The following FAM199X variants were observed in gnomAD, a reference collection of about 807,000 sequenced individuals.
FAM199X encodes family with sequence similarity 199, X-linked, also known as protein FAM199X.
FAM199X carries 4 observed loss-of-function variants against 22.9 expected under a neutral mutation model. The observed-to-expected ratio is 0.17, with a 90% CI of 0.09 to 0.40. The LOEUF (loss-of-function observed/expected upper bound fraction) is 0.40, where lower values mean the gene tolerates loss of function less well. Among genes scored for constraint, FAM199X ranks in the 10% least tolerant of loss-of-function variants. The pLI, the probability that FAM199X is intolerant of heterozygous loss-of-function variation, is 1.00. For synonymous variants in FAM199X, 101 were observed against 112.3 expected (o/e 0.90, Z 0.64); for missense variants, 183 against 306.8 (o/e 0.60, Z 3.01).
chrX:104,160,882 A>G, the FAM199X span, among the ~76,000 whole-genome samples: 2 of 111,563 alleles, frequency 1.8e-5, no homozygotes, highest in Non-Finnish European at 3.8e-5. Context: ...TACATAGTAA[A>G]TAATGTATAG....
upstream of FAM199X, among the ~76,000 whole-genome samples, chrX:104,165,679 G>C (rs1921151918): frequency 9.0e-6 from 1 of 110,789 alleles, no homozygotes; most frequent in Non-Finnish European, 1.9e-5. Context: ...GGAATCACTT[G>C]CCCAGAATAT....
Position 104,195,432 on chromosome X carries a change from TCAGATTTCTAGAGAGAG to T in FAM199X, c.*5671_*5687del, listed in dbSNP as rs1556381415. The T allele has an allele frequency of 9.0e-6, 1 of 111,543 alleles. No individual in the cohort carries two copies. The highest frequency in any genetic ancestry group is 2.8e-4 in the East Asian group (1 of 3,570). 9.2% of individuals were successfully genotyped at this position (111,543 alleles called of 1,213,427 possible). A position where few individuals can be genotyped will look rare whatever the true frequency, so the allele number is the denominator to read the frequency against. ...AAACTTATTTTTTTTTCTGGACAGA[TCAGATTTCTAGAGAGAG>T]CAGATTTCTAGAGAGATTAGCATTC... is the stretch of plus-strand genomic sequence containing the variant. On this transcript the variant is annotated 3_prime_UTR_variant, in exon 6 of 6. Transcript: ENST00000493442.
At position 104,175,603 on chromosome X, in the gene FAM199X, T is replaced by C. The variant is rs1556376245; in HGVS notation, c.198-20T>C. On this transcript the variant is annotated intron_variant, in intron 1 of 5. Transcript: ENST00000493442. ...GGATTCTGTAGTTCTCTTGATTTCT[T>C]TCGTGTTGTGTTTTTGAAGGTGGAA... 6 of 1,180,318 alleles carry C rather than the reference T, an allele frequency of 5.1e-6. No individual in the cohort carries two copies. In the Admixed American group the frequency reaches 1.3e-4, roughly 26 times the overall value.
the FAM199X span, among the ~76,000 whole-genome samples, chrX:104,157,447 C>T: frequency 9.0e-6 from 1 of 111,465 alleles, no homozygotes; most frequent in African/African-American, 3.3e-5. Flanking sequence ...CTCCCGCGTT[C>T]GAATCCCCAC....
chrX:104,168,925 C>A (rs1921285292), intron 1 of FAM199X, among the ~76,000 whole-genome samples: 1 of 104,778 alleles, frequency 9.5e-6, no homozygotes, highest in Non-Finnish European at 1.9e-5. Flanking sequence ...CTACTTTTCG[C>A]AAGGCTTGGC....
intron 1 of FAM199X, among the ~76,000 whole-genome samples, chrX:104,170,876 C>T (rs1387019527): frequency 4.5e-5 from 5 of 111,741 alleles, no homozygotes; most frequent in Non-Finnish European, 7.5e-5. Flanking sequence ...TGTATATTCT[C>T]TAACTTGGAA....
chrX:104,188,348 A>T (rs1921854524), intron 5 of FAM199X, 42 bp downstream of exon 5: 1 of 1,174,621 alleles, frequency 8.5e-7, no homozygotes, highest in Non-Finnish European at 1.2e-6. Flanking sequence ...TTTCAATATT[A>T]ACATTAGTAC....
intron 3 of FAM199X, 82 bp from the exon 4 acceptor site, chrX:104,186,378 G>T: frequency 9.0e-7 from 1 of 1,105,743 alleles, no homozygotes; most frequent in Non-Finnish European, 1.2e-6. Context: ...AAGTGCTTCT[G>T]CTATGTAAAC....
At chrX:104,157,214 CT>C in the FAM199X span, among the ~76,000 whole-genome samples, 5 of 111,947 alleles carry the variant, frequency 4.5e-5, no homozygotes, top group Admixed American at 9.5e-5. Flanking sequence ...TGTAAGTTGG[CT>C]TGCAAGCTTA....
Position 104,195,656 on chromosome X carries a change from A to G in FAM199X, c.*5878A>G, listed in dbSNP as rs1457404826. On this transcript the variant is annotated 3_prime_UTR_variant, in exon 6 of 6. Coordinates refer to ENST00000493442, the MANE Select transcript of FAM199X (RefSeq NM_207318.4). ...TGGAGGAGCAATTCAGCTTTTCAGCAGCAACTTTATCTTTTGCCACTAGAG... is the reference window on the plus strand; with the variant it reads ...TGGAGGAGCAATTCAGCTTTTCAGCGGCAACTTTATCTTTTGCCACTAGAG... The G allele has an allele frequency of 2.7e-5, 3 of 111,429 alleles. No individual in the cohort carries two copies. Among genetic ancestry groups the G allele is most frequent in the African/African-American group, 9.8e-5 (3 of 30,671 alleles). 9.2% of individuals were successfully genotyped at this position (111,429 alleles called of 1,213,427 possible).
intron 2 of FAM199X, among the ~76,000 whole-genome samples, chrX:104,184,551 G>A (rs1054162007): frequency 4.5e-5 from 5 of 111,284 alleles, no homozygotes; most frequent in African/African-American, 1.6e-4. Flanking sequence ...CGGTGACCAT[G>A]CATATACTTG....
At chrX:104,187,566 A>G (rs1215439869) in intron 4 of FAM199X, among the ~76,000 whole-genome samples, 2 of 112,159 alleles carry the variant, frequency 1.8e-5, no homozygotes, top group African/African-American at 6.5e-5. Context: ...CATTCCAGCA[A>G]ATTTTTCATT....
At chrX:104,158,495 G>T in the FAM199X span, among the ~76,000 whole-genome samples, 1 of 112,031 alleles carries the variant, frequency 8.9e-6, no homozygotes, top group Non-Finnish European at 1.9e-5. Flanking sequence ...ACAGTACAAT[G>T]AGACTCTTTA....
At position 104,189,885 on chromosome X, in the gene FAM199X, T is replaced by C; in HGVS notation, c.*107T>C. ...TGGTTAGGGCTGTGCTGATGTACCATTAATAATTTAAGCCAGTGGTTCTTG... is the reference window on the plus strand; with the variant it reads ...TGGTTAGGGCTGTGCTGATGTACCACTAATAATTTAAGCCAGTGGTTCTTG... On this transcript the variant is annotated 3_prime_UTR_variant, in exon 6 of 6. Coordinates refer to ENST00000493442, the MANE Select transcript of FAM199X (RefSeq NM_207318.4). 1.3e-6 allele frequency: 1 copy of C among 774,044 alleles called. No homozygotes were observed. The highest frequency in any genetic ancestry group is 2.7e-5 in the South Asian group (1 of 36,727). 63.8% of individuals were successfully genotyped at this position (774,044 alleles called of 1,213,427 possible).
Position 104,193,532 on chromosome X carries a change from C to T in FAM199X, c.*3754C>T, listed in dbSNP as rs1481511052. 6 of 110,886 alleles carry T rather than the reference C, an allele frequency of 5.4e-5. No individual in the cohort carries two copies. The highest frequency in any genetic ancestry group is 9.5e-5 in the Non-Finnish European group (5 of 52,779). The allele number at this position is 110,886 out of a possible 1,213,427, so 9.1% of individuals were successfully genotyped here. A position where few individuals can be genotyped will look rare whatever the true frequency, so the allele number is the denominator to read the frequency against. Reference sequence around the variant, plus strand: ...AACACACTCCTCTTCTTTCCTTTAACAAATGAACTTTTAGCACTTCTGTCT... The same window carrying T: ...AACACACTCCTCTTCTTTCCTTTAATAAATGAACTTTTAGCACTTCTGTCT... On this transcript the variant is annotated 3_prime_UTR_variant, in exon 6 of 6. Coordinates refer to ENST00000493442, the MANE Select transcript of FAM199X (RefSeq NM_207318.4).
chrX:104,160,306 C>T, the FAM199X span, among the ~76,000 whole-genome samples: 11 of 112,606 alleles, frequency 9.8e-5, no homozygotes, highest in Admixed American at 1.0e-3. Flanking sequence ...GTCTTGGTGA[C>T]ACCAGCAGAC....
chrX:104,194,857 C>T lies in FAM199X; in HGVS notation c.*5079C>T, dbSNP rs782626328. ...GAGAATCTTCAAGTAGTTTTAAATA[C>T]TGTAATGTATCAGATTGTTAACCAG... On this transcript the variant is annotated 3_prime_UTR_variant, in exon 6 of 6. Transcript: ENST00000493442. 9.0e-6 allele frequency: 1 copy of T among 111,048 alleles called. No individual in the cohort carries two copies. The highest frequency in any genetic ancestry group is 3.8e-4 in the South Asian group (1 of 2,622). The allele number at this position is 111,048 out of a possible 1,213,427, so 9.2% of individuals were successfully genotyped here. A position where few individuals can be genotyped will look rare whatever the true frequency, so the allele number is the denominator to read the frequency against.
intron 5 of FAM199X, among the ~76,000 whole-genome samples, chrX:104,188,702 AAT>A (rs1921862728): frequency 8.9e-6 from 1 of 111,965 alleles, no homozygotes; most frequent in African/African-American, 3.2e-5. Flanking sequence ...ATGTTTTCTT[AAT>A]GTTTTAATCT....
chrX:104,165,296 A>G (rs1382523438), upstream of FAM199X, among the ~76,000 whole-genome samples: 2 of 112,399 alleles, frequency 1.8e-5, no homozygotes, highest in East Asian at 5.6e-4. Flanking sequence ...GGCACGTTGG[A>G]GAAGCTGTTT....
Sources: gnomAD v4.1 joint callset for allele counts (sites outside exome capture counted in the v4.1 genomes callset) on GRCh38, gnomAD v4.1.1 for gene constraint, MANE v1.5 for transcripts, NCBI Gene and HGNC (gene_info 2026-07-23, HGNC 2026-07-21) for gene names.